The following GALNT2 variants were observed in gnomAD, a reference collection of about 807,000 sequenced individuals.
The protein encoded by GALNT2 is polypeptide N-acetylgalactosaminyltransferase 2.
In GALNT2, 31 loss-of-function variants were observed where a neutral mutation model predicts 81.4. The ratio of observed to expected loss-of-function variants is 0.38; its 90% CI spans 0.29 to 0.51. The LOEUF (loss-of-function observed/expected upper bound fraction) is 0.51, where lower values mean the gene tolerates loss of function less well. Among genes scored for constraint, GALNT2 ranks in the 20% least tolerant of loss-of-function variants. The pLI is 0.87. For missense variants in GALNT2, 629 were observed against 765.7 expected (o/e 0.82, Z 2.11); for synonymous variants, 303 against 287.4 (o/e 1.05, Z -0.55).
chr1:230,188,092 C>A (rs1319853596), intron 2 of GALNT2, among the ~76,000 whole-genome samples: 1 of 152,100 alleles, frequency 6.6e-6, no homozygotes, highest in Non-Finnish European at 1.5e-5. Context: ...TATTTCCCTG[C>A]CTCCTGTTTG....
At chr1:230,198,588 A>G (rs1030572343) in intron 2 of GALNT2, among the ~76,000 whole-genome samples, 2 of 152,156 alleles carry the variant, frequency 1.3e-5, no homozygotes, top group African/African-American at 4.8e-5. Context: ...TGTGTGGAGC[A>G]GGGCAGTCTG....
intron 3 of GALNT2, among the ~76,000 whole-genome samples, chr1:230,216,801 T>A (rs893252497): frequency 2.0e-5 from 3 of 152,188 alleles, no homozygotes; most frequent in African/African-American, 7.2e-5. Flanking sequence ...TCTGTAAAAT[T>A]TAAAGTTCAG....
intron 3 of GALNT2, among the ~76,000 whole-genome samples, chr1:230,215,142 C>T (rs1006731344): frequency 2.0e-5 from 3 of 152,178 alleles, no homozygotes; most frequent in African/African-American, 4.8e-5. Flanking sequence ...TCTCTTTTGC[C>T]ACTAGGAAGT....
Position 230,275,244 on chromosome 1 carries a change from G to A in GALNT2, c.1560+680G>A, listed in dbSNP as rs991715309. 9.6e-5 allele frequency among the ~76,000 whole-genome samples: 14 copies of A among 145,986 alleles called. No individual in the cohort carries two copies. Among genetic ancestry groups the A allele is most frequent in the Non-Finnish European group, 1.4e-4 (9 of 66,660 alleles). ...CCACATATATGCATATGTAAACACC[G>A]CATATATACATATATACACACCACA... is the stretch of plus-strand genomic sequence containing the variant. On this transcript the variant is annotated intron_variant, in intron 15 of 15. Transcript: ENST00000366672. This position sits in a 1 kb window ranked among gnomAD's most constrained non-coding sequence, Gnocchi z 5.5.
rs1255815224 is a variant in GALNT2 at position 230,131,042 on chromosome 1, C to T, written c.127-47176C>T. ...TAAGTATTAAAAAAACTAGGCATCT[C>T]GCTAGCCTTGAGAAAGAAATCAACA... On this transcript the variant is annotated intron_variant, in intron 1 of 15. Coordinates refer to ENST00000366672, the MANE Select transcript of GALNT2 (RefSeq NM_004481.5). 5.3e-5 allele frequency among the ~76,000 whole-genome samples: 8 copies of T among 152,184 alleles called. No individual in the cohort carries two copies. The South Asian group carries it at 1.2e-3, about 24-fold the overall frequency.
At chr1:230,161,067 T>C (rs774798828) in intron 1 of GALNT2, among the ~76,000 whole-genome samples, 2 of 152,198 alleles carry the variant, frequency 1.3e-5, no homozygotes, top group Non-Finnish European at 2.9e-5. Flanking sequence ...TTACCTTTGA[T>C]CCCTAGCAAA....
chr1:230,196,188 C>T (rs545740552), intron 2 of GALNT2, among the ~76,000 whole-genome samples: 2 of 152,226 alleles, frequency 1.3e-5, no homozygotes, highest in South Asian at 4.1e-4. Flanking sequence ...TGCCTGCCGT[C>T]CCTCCCTACT....
chr1:230,109,058 A>G (rs913597944), intron 1 of GALNT2, among the ~76,000 whole-genome samples: 2 of 152,242 alleles, frequency 1.3e-5, no homozygotes, highest in Admixed American at 6.5e-5. Context: ...TTCTAGATGG[A>G]CTATCCTACT....
intron 1 of GALNT2, among the ~76,000 whole-genome samples, chr1:230,115,629 A>T (rs937326467): frequency 6.6e-6 from 1 of 152,184 alleles, no homozygotes; most frequent in African/African-American, 2.4e-5. Context: ...TGGTGGTTGA[A>T]GGTTGAGGTG....
intron 3 of GALNT2, among the ~76,000 whole-genome samples, chr1:230,226,561 G>C (rs1247650595): frequency 1.3e-5 from 2 of 152,366 alleles, no homozygotes; most frequent in Middle Eastern, 3.4e-3. Flanking sequence ...TTCAGGTGCT[G>C]TGTTGGCTGG....
chr1:230,250,608 C>T (rs760661194), intron 10 of GALNT2, 48 bp downstream of exon 10: 2 of 1,422,328 alleles, frequency 1.4e-6, no homozygotes, highest in African/African-American at 2.9e-5. Context: ...CTCAGCTCTG[C>T]AAAAGGCAGG....
chr1:230,194,722 A>G (rs1159538212), intron 2 of GALNT2, among the ~76,000 whole-genome samples: 1 of 152,236 alleles, frequency 6.6e-6, no homozygotes, highest in Non-Finnish European at 1.5e-5. Context: ...GCCTCTGGGA[A>G]CAGTGTCAGA....
intron 3 of GALNT2, among the ~76,000 whole-genome samples, chr1:230,208,085 G>A (rs2102710989): frequency 6.6e-6 from 1 of 152,194 alleles, no homozygotes; most frequent in South Asian, 2.1e-4. Context: ...CTTCTTGCTT[G>A]GAAATTTCAA....
At chr1:230,063,399 T>C (rs1659095194), upstream of GALNT2, among the ~76,000 whole-genome samples, 1 of 152,234 alleles carries the variant, frequency 6.6e-6, no homozygotes, top group Non-Finnish European at 1.5e-5. Flanking sequence ...TTGTTTTTTA[T>C]TTCCATAATC....
upstream of GALNT2, among the ~76,000 whole-genome samples, chr1:230,065,070 T>C (rs1318768756): frequency 3.3e-5 from 5 of 152,236 alleles, no homozygotes; most frequent in Admixed American, 6.5e-5. Flanking sequence ...GGGGTTATAG[T>C]TTTAATATTA....
At chr1:230,185,634 A>T (rs905460851) in intron 2 of GALNT2, among the ~76,000 whole-genome samples, 2 of 152,182 alleles carry the variant, frequency 1.3e-5, no homozygotes, top group African/African-American at 4.8e-5. Context: ...GTCCCTGTTT[A>T]AATAGTTTCT....
rs1395725638 is a variant in GALNT2 at position 230,279,642 on chromosome 1, G to A, written c.*184G>A. 1.5e-5 allele frequency: 11 copies of A among 724,476 alleles called. No individual in the cohort carries two copies. The highest frequency in any genetic ancestry group is 2.8e-5 in the East Asian group (1 of 35,548). 44.9% of individuals were successfully genotyped at this position (724,476 alleles called of 1,614,324 possible). Reference sequence around the variant, plus strand: ...TGCAGACACAGCAGCGGCAAGAAGCGAGAACTGCCCTCCCCCTCCTCTCGG... The same window carrying A: ...TGCAGACACAGCAGCGGCAAGAAGCAAGAACTGCCCTCCCCCTCCTCTCGG... On this transcript the variant is annotated 3_prime_UTR_variant, in exon 16 of 16. Transcript: ENST00000366672. The surrounding 1 kb of genome is among the most constrained non-coding windows in gnomAD (Gnocchi z 4.6).
rs528125835 is a variant in GALNT2, at chr1:230,175,740, A to G, written c.127-2478A>G. On this transcript the variant is annotated intron_variant, in intron 1 of 15. Transcript: ENST00000366672. ...ACTGTAGGAGCAGGTATTTAAGATG[A>G]TAATCTGCAGGTTTTGGCCTGGGAG... Among the ~76,000 whole-genome samples, 3 of 148,224 alleles carry G rather than the reference A, an allele frequency of 2.0e-5. No homozygotes were observed. The Admixed American group carries it at 2.0e-4, about 10-fold the overall frequency.
upstream of GALNT2, among the ~76,000 whole-genome samples, chr1:230,064,525 T>G (rs1284959349): frequency 1.3e-5 from 2 of 152,200 alleles, no homozygotes; most frequent in Admixed American, 6.5e-5. Context: ...TGCCTGGTAC[T>G]TTTTTGTGTG....
Sources: allele counts gnomAD v4.1 joint callset (sites outside exome capture counted in the v4.1 genomes callset), GRCh38; gene constraint gnomAD v4.1.1; non-coding constraint Gnocchi (gnomAD v3.1); transcripts MANE v1.5; gene names NCBI Gene and HGNC (gene_info 2026-07-23, HGNC 2026-07-21).